The following MORC1 variants were observed in gnomAD, a reference collection of about 807,000 sequenced individuals.
MORC1 encodes MORC family CW-type zinc finger 1.
Under a neutral mutation model 134.9 loss-of-function variants are expected in MORC1, and 59 were observed. The observed-to-expected ratio is 0.44, with a 90% CI of 0.35 to 0.54. The LOEUF (loss-of-function observed/expected upper bound fraction) is 0.54. Among genes scored for constraint, MORC1 ranks in the 20% least tolerant of loss-of-function variants. The probability of loss-of-function intolerance (pLI) is 0.00; values close to 1 mark genes in which losing one functional copy is unlikely to be tolerated. For missense variants in MORC1, 947 were observed against 1,134.5 expected (o/e 0.83, Z 2.37); for synonymous variants, 395 against 391.7 (o/e 1.01, Z -0.10).
chr3:109,048,326 GT>G, intron 14 of MORC1, among the ~76,000 whole-genome samples: 1 of 152,208 alleles, frequency 6.6e-6, no homozygotes, highest in East Asian at 1.9e-4. Flanking sequence ...TTGTAATGTG[GT>G]TTTTAAACAG....
chr3:109,004,469 G>A (rs1559886151), intron 20 of MORC1, among the ~76,000 whole-genome samples: 1 of 151,998 alleles, frequency 6.6e-6, no homozygotes, highest in African/African-American at 2.4e-5. Context: ...TTCAATTGTA[G>A]GCATTAATAT....
intron 17 of MORC1, among the ~76,000 whole-genome samples, chr3:109,025,997 C>T (rs959537738): frequency 2.0e-5 from 3 of 152,124 alleles, no homozygotes; most frequent in Non-Finnish European, 4.4e-5. Flanking sequence ...ATTACAGATA[C>T]TCTGTATTTC....
intron 20 of MORC1, 103 bp downstream of exon 20, chr3:109,004,714 A>T: frequency 1.8e-6 from 2 of 1,106,932 alleles, no homozygotes; most frequent in Non-Finnish European, 2.7e-6. Flanking sequence ...TGATTTAGTT[A>T]AGCATTTTTC....
In MORC1 at chr3:109,032,833, T is replaced by C. The variant is rs778931424; in HGVS notation, c.1460-8A>G. The C allele has an allele frequency of 1.1e-5, 16 of 1,504,694 alleles. No homozygotes were observed. The highest frequency in any genetic ancestry group is 1.4e-5 in the Non-Finnish European group (15 of 1,089,122). 93.2% of individuals were successfully genotyped at this position (1,504,694 alleles called of 1,614,324 possible). ...TCCATTTAAGACAAAGATCTGACAA[T>C]CAAAACAAAATGACACAGAAAAGAG... On this transcript the variant is annotated splice_region_variant and splice_polypyrimidine_tract_variant and intron_variant, in intron 15 of 27. Coordinates refer to ENST00000232603, the MANE Select transcript of MORC1 (RefSeq NM_014429.4).
intron 11 of MORC1, among the ~76,000 whole-genome samples, chr3:109,061,746 C>A (rs1422141433): frequency 2.0e-5 from 3 of 152,130 alleles, no homozygotes; most frequent in African/African-American, 7.2e-5. Context: ...CCCACCATTT[C>A]AAATTCACCC....
chr3:109,000,425 A>T, intron 21 of MORC1, 132 bp downstream of exon 21: 1 of 642,188 alleles, frequency 1.6e-6, no homozygotes, highest in Non-Finnish European at 2.5e-6. Context: ...AACTTTTCTG[A>T]GTCTTATTTC....
chr3:109,076,415 G>A (rs545345047), intron 8 of MORC1, among the ~76,000 whole-genome samples: 1 of 152,160 alleles, frequency 6.6e-6, no homozygotes, highest in Non-Finnish European at 1.5e-5. Context: ...GGAAGACAGT[G>A]TGGCAATTCC....
intron 21 of MORC1, among the ~76,000 whole-genome samples, chr3:108,996,284 G>A (rs77462407): frequency 0.05 from 3,879 of 77,556 alleles, 73 homozygotes; most frequent in Middle Eastern, 0.22. Context: ...GTGCGCGCGC[G>A]CGCACACACA....
In MORC1 at chr3:109,049,109, T is replaced by C. The variant is rs1949760603; in HGVS notation, c.1330+5619A>G. ...AAACTTGTCTCATATTCTCACCTTT[T>C]AATATTTGCTTCATCACTCGACGTG... On this transcript the variant is annotated intron_variant, in intron 14 of 27. Coordinates refer to ENST00000232603, the MANE Select transcript of MORC1 (RefSeq NM_014429.4). The C allele has an allele frequency of 4.1e-6, 4 of 977,292 alleles. No individual in the cohort carries two copies. In the African/African-American group the frequency reaches 5.3e-5, roughly 13 times the overall value. The allele number at this position is 977,292 out of a possible 1,614,324, so 60.5% of individuals were successfully genotyped here. A position where few individuals can be genotyped will look rare whatever the true frequency, so the allele number is the denominator to read the frequency against.
chr3:109,100,389 T>A (rs775015702), intron 5 of MORC1, 28 bp downstream of exon 5: 1 of 1,508,976 alleles, frequency 6.6e-7, no homozygotes, highest in Non-Finnish European at 9.2e-7. Flanking sequence ...ATCAATAATA[T>A]ATGTCTTAAG....
At chr3:108,996,659 G>C (rs1948238759) in intron 21 of MORC1, among the ~76,000 whole-genome samples, 1 of 152,142 alleles carries the variant, frequency 6.6e-6, no homozygotes, top group African/African-American at 2.4e-5. Flanking sequence ...TCATTGCATG[G>C]ACTTTGAAAA....
At chr3:109,076,273 C>T (rs998130671) in intron 8 of MORC1, among the ~76,000 whole-genome samples, 1 of 152,166 alleles carries the variant, frequency 6.6e-6, no homozygotes, top group Admixed American at 6.5e-5. Flanking sequence ...ATCAAAACCA[C>T]AAAGAGATAC....
chr3:109,004,776 A>G (rs769978579), intron 20 of MORC1, 41 bp downstream of exon 20: 2 of 1,560,582 alleles, frequency 1.3e-6, no homozygotes, highest in Non-Finnish European at 1.8e-6. Flanking sequence ...TCCTATATGA[A>G]TATTTCTCCC....
At chr3:109,071,856 C>A (rs191561589) in intron 8 of MORC1, among the ~76,000 whole-genome samples, 1 of 152,248 alleles carries the variant, frequency 6.6e-6, no homozygotes, top group East Asian at 1.9e-4. Flanking sequence ...CTAGACACAG[C>A]AAGCCACTGT....
intron 2 of MORC1, among the ~76,000 whole-genome samples, chr3:109,112,094 C>T (rs1230913393): frequency 6.6e-6 from 1 of 152,180 alleles, no homozygotes; most frequent in African/African-American, 2.4e-5. Context: ...ATAAATGCCA[C>T]TGTACTGAAA....
intron 26 of MORC1, among the ~76,000 whole-genome samples, chr3:108,969,060 C>T (rs766863266): frequency 5.2e-4 from 79 of 151,890 alleles, no homozygotes; most frequent in Non-Finnish European, 9.9e-4. Flanking sequence ...CTTTCTCCCC[C>T]AGGAAATCCT....
intron 17 of MORC1, among the ~76,000 whole-genome samples, chr3:109,012,511 T>G (rs371952486): frequency 6.6e-6 from 1 of 152,192 alleles, no homozygotes; most frequent in African/African-American, 2.4e-5. Flanking sequence ...CTGGGGAGAA[T>G]AGACATCTTA....
At chr3:108,999,504 CAAT>C (rs762907774) in intron 21 of MORC1, among the ~76,000 whole-genome samples, 2 of 152,118 alleles carry the variant, frequency 1.3e-5, no homozygotes, top group Non-Finnish European at 2.9e-5. Context: ...TACCTTGTGA[CAAT>C]AACTTTCTGG....
At chr3:108,976,566 A>G (rs1381755163) in intron 24 of MORC1, among the ~76,000 whole-genome samples, 4 of 152,260 alleles carry the variant, frequency 2.6e-5, no homozygotes, top group Non-Finnish European at 4.4e-5. Context: ...AAATTTGAGA[A>G]AACATACTAC....
Sources: allele counts gnomAD v4.1 joint callset (sites outside exome capture counted in the v4.1 genomes callset), GRCh38; gene constraint gnomAD v4.1.1; transcripts MANE v1.5; gene names NCBI Gene and HGNC (gene_info 2026-07-23, HGNC 2026-07-21).